DIAPH3: variants seen among roughly 807,000 people sequenced by gnomAD.
DIAPH3 encodes protein diaphanous homolog 3.
A neutral mutation model predicts 144.3 loss-of-function variants in DIAPH3; 117 were observed. The observed-to-expected ratio is 0.81, with a 90% CI of 0.70 to 0.95. The LOEUF (loss-of-function observed/expected upper bound fraction) is 0.95. Among genes scored for constraint, DIAPH3 ranks in the 40% least tolerant of loss-of-function variants. DIAPH3 has a pLI of 0.00. For missense variants in DIAPH3, 1,421 were observed against 1,412.7 expected, an observed-to-expected ratio of 1.01 and a Z score of -0.09; for synonymous variants, 519 against 488.9, an observed-to-expected ratio of 1.06 and a Z score of -0.81.
chr13:59,964,306 T>C (rs1374950539), intron 17 of DIAPH3, among the ~76,000 whole-genome samples: 1 of 152,090 alleles, frequency 6.6e-6, no homozygotes, highest in Non-Finnish European at 1.5e-5. Context: ...CTAGTATCTT[T>C]CCTTTCTCCA....
chr13:59,759,437 T>C (rs2037458754), intron 27 of DIAPH3, among the ~76,000 whole-genome samples: 1 of 152,196 alleles, frequency 6.6e-6, no homozygotes, highest in South Asian at 2.1e-4. Context: ...AGTTAATTTC[T>C]AGGAAATATC....
At position 59,992,587 on chromosome 13, in the gene DIAPH3, C is replaced by A. The variant is rs752563322; in HGVS notation, c.1015-4G>T. ...TGATGAGCTGCATACAAGCTACCTACAAGAGATCAAACAGTGAGACAGACT... is the reference window on the plus strand; with the variant it reads ...TGATGAGCTGCATACAAGCTACCTAAAAGAGATCAAACAGTGAGACAGACT... On this transcript the variant is annotated splice_polypyrimidine_tract_variant and splice_region_variant and intron_variant, in intron 9 of 27. Coordinates refer to ENST00000400324, the MANE Select transcript of DIAPH3 (RefSeq NM_001042517.2). 4.0e-5 allele frequency: 65 copies of A among 1,608,010 alleles called. No homozygotes were observed. Among genetic ancestry groups the A allele is most frequent in the Non-Finnish European group, 5.4e-5 (63 of 1,175,734 alleles).
intron 24 of DIAPH3, 158 bp downstream of exon 24, chr13:59,832,949 T>C (rs1593595650): frequency 2.9e-6 from 2 of 679,312 alleles, no homozygotes; most frequent in African/African-American, 1.8e-5. Context: ...GAACAAACCA[T>C]ACATTTTTCA....
At chr13:59,761,290 A>C (rs1447039497) in intron 27 of DIAPH3, among the ~76,000 whole-genome samples, 2 of 152,148 alleles carry the variant, frequency 1.3e-5, no homozygotes. Context: ...CTTCTTTATA[A>C]AAAAAGTCAA....
At chr13:59,677,210 T>TA (rs201549532) in intron 27 of DIAPH3, among the ~76,000 whole-genome samples, 8 of 150,612 alleles carry the variant, frequency 5.3e-5, no homozygotes, top group South Asian at 4.2e-4. Flanking sequence ...AACTAAACCT[T>TA]AAAAAAAAAG....
At chr13:59,885,284 T>C (rs2045360651) in intron 20 of DIAPH3, among the ~76,000 whole-genome samples, 1 of 152,012 alleles carries the variant, frequency 6.6e-6, no homozygotes, top group African/African-American at 2.4e-5. Flanking sequence ...CCCAGAATCA[T>C]ATTAGTGTCT....
chr13:59,883,570 G>T, intron 20 of DIAPH3, among the ~76,000 whole-genome samples: 1 of 152,080 alleles, frequency 6.6e-6, no homozygotes, highest in East Asian at 1.9e-4. Flanking sequence ...TACTCTAAAA[G>T]CATTAGTTCA....
intron 7 of DIAPH3, among the ~76,000 whole-genome samples, chr13:60,014,998 TGTTTTGTTTTGTTTA>T (rs2053542800): frequency 6.6e-6 from 1 of 151,954 alleles, no homozygotes; most frequent in Admixed American, 6.6e-5. Flanking sequence ...TGTTTTGTTT[TGTTTTGTTTTGTTTA>T]AGGACAGGGA....
At chr13:60,037,301 T>A (rs943574293) in intron 5 of DIAPH3, among the ~76,000 whole-genome samples, 2 of 151,948 alleles carry the variant, frequency 1.3e-5, no homozygotes, top group Non-Finnish European at 2.9e-5. Flanking sequence ...TCAAAAAGAA[T>A]GATGTGTGTA....
At chr13:59,776,987 A>G (rs770130057) in intron 25 of DIAPH3, among the ~76,000 whole-genome samples, 3 of 152,160 alleles carry the variant, frequency 2.0e-5, no homozygotes, top group East Asian at 1.9e-4. Flanking sequence ...AGTAGCATCA[A>G]TGAGCATTTG....
chr13:59,798,585 A>T (rs1421939827), intron 25 of DIAPH3, among the ~76,000 whole-genome samples: 1 of 152,226 alleles, frequency 6.6e-6, no homozygotes, highest in Non-Finnish European at 1.5e-5. Context: ...CACATTTCAA[A>T]GGAACAACAA....
intron 22 of DIAPH3, among the ~76,000 whole-genome samples, chr13:59,847,634 C>T (rs886294215): frequency 6.6e-6 from 1 of 152,136 alleles, no homozygotes; most frequent in Non-Finnish European, 1.5e-5. Flanking sequence ...TAACAATATT[C>T]AAAATGTTCC....
intron 4 of DIAPH3, among the ~76,000 whole-genome samples, chr13:60,068,044 A>G (rs2057042437): frequency 6.6e-6 from 1 of 152,178 alleles, no homozygotes; most frequent in Admixed American, 6.5e-5. Context: ...GTTATCTGGT[A>G]TTATTCAAAT....
At chr13:59,722,457 T>C (rs1436897218) in intron 27 of DIAPH3, among the ~76,000 whole-genome samples, 18 of 152,218 alleles carry the variant, frequency 1.2e-4, no homozygotes, top group Non-Finnish European at 1.5e-5. Flanking sequence ...AGTTTGGATG[T>C]GATTTGGTTT....
chr13:60,003,561 A>C (rs2052659827), intron 9 of DIAPH3, among the ~76,000 whole-genome samples: 1 of 150,426 alleles, frequency 6.6e-6, no homozygotes. Context: ...ATAGATAGAT[A>C]GATAGATATA....
At chr13:60,005,762 T>G (rs750235557) in intron 9 of DIAPH3, among the ~76,000 whole-genome samples, 1 of 152,286 alleles carries the variant, frequency 6.6e-6, no homozygotes, top group Non-Finnish European at 1.5e-5. Context: ...ATTACAGGCA[T>G]GAGCCACCAC....
At chr13:59,848,210 C>A (rs1593662499) in intron 22 of DIAPH3, among the ~76,000 whole-genome samples, 1 of 152,056 alleles carries the variant, frequency 6.6e-6, no homozygotes, top group East Asian at 1.9e-4. Flanking sequence ...ACAGAGCAGC[C>A]AAAGCAATCC....
chr13:59,781,952 T>C (rs1316494118), intron 25 of DIAPH3, among the ~76,000 whole-genome samples: 1 of 152,140 alleles, frequency 6.6e-6, no homozygotes, highest in Admixed American at 6.5e-5. Context: ...ACACCATATA[T>C]GGAGCAGACA....
intron 4 of DIAPH3, among the ~76,000 whole-genome samples, chr13:60,081,801 C>T (rs1311514325): frequency 6.6e-6 from 1 of 151,986 alleles, no homozygotes; most frequent in Non-Finnish European, 1.5e-5. Flanking sequence ...CATTGGACAT[C>T]TCAGTAGACC....
Sources: allele counts gnomAD v4.1 joint callset (sites outside exome capture counted in the v4.1 genomes callset), GRCh38; gene constraint gnomAD v4.1.1; transcripts MANE v1.5; gene names NCBI Gene and HGNC (gene_info 2026-07-23, HGNC 2026-07-21).